LRRC4C: variants seen among roughly 807,000 people sequenced by gnomAD.
The protein encoded by LRRC4C is leucine rich repeat containing 4C.
In LRRC4C, 5 loss-of-function variants were observed where a neutral mutation model predicts 33.6. That is an observed-to-expected ratio of 0.15 (90% CI 0.08 to 0.31). The LOEUF is 0.31. Ranked by LOEUF, LRRC4C falls within the 10% of genes least tolerant of loss-of-function variation. The pLI is 1.00. For synonymous variants in LRRC4C, 329 were observed against 302.0 expected (o/e 1.09, Z -0.93); for missense variants, 560 against 796.7 (o/e 0.70, Z 3.58).
At chr11:41,455,981 G>A (rs2138686464) in intron 1 of LRRC4C, among the ~76,000 whole-genome samples, 1 of 152,256 alleles carries the variant, frequency 6.6e-6, no homozygotes, top group East Asian at 1.9e-4. Context: ...AGATAATTGA[G>A]TGAGTTGGCT....
At chr11:41,317,785 A>G (rs909683067) in intron 1 of LRRC4C, among the ~76,000 whole-genome samples, 1 of 152,148 alleles carries the variant, frequency 6.6e-6, no homozygotes, top group Non-Finnish European at 1.5e-5. Context: ...TAGTAAACAT[A>G]TACAATTTTG....
chr11:40,776,929 CT>C (rs1950023832), intron 2 of LRRC4C, among the ~76,000 whole-genome samples: 1 of 152,080 alleles, frequency 6.6e-6, no homozygotes, highest in Non-Finnish European at 1.5e-5. Context: ...GCTATGTCTC[CT>C]TTTTCACTTA....
intron 1 of LRRC4C, among the ~76,000 whole-genome samples, chr11:40,978,793 T>A (rs763145322): frequency 6.6e-6 from 1 of 151,942 alleles, no homozygotes; most frequent in African/African-American, 2.4e-5. Flanking sequence ...GGCTATTTTT[T>A]TTTTCTTTTT....
chr11:41,044,584 A>G (rs1417247722), intron 1 of LRRC4C, among the ~76,000 whole-genome samples: 1 of 152,164 alleles, frequency 6.6e-6, no homozygotes, highest in Non-Finnish European at 1.5e-5. Context: ...ATGGTGGTGA[A>G]AATACACACA....
At chr11:40,509,741 C>T (rs1321654868) in intron 3 of LRRC4C, among the ~76,000 whole-genome samples, 7 of 152,058 alleles carry the variant, frequency 4.6e-5, no homozygotes, top group African/African-American at 1.4e-4. Flanking sequence ...CAAATTATTA[C>T]ACAAAGCTGA....
intron 1 of LRRC4C, among the ~76,000 whole-genome samples, chr11:41,031,140 C>A (rs1255184417): frequency 6.6e-6 from 1 of 151,878 alleles, no homozygotes; most frequent in African/African-American, 2.4e-5. Context: ...GGCCTCTCCA[C>A]CTGAAGTTGA....
intron 3 of LRRC4C, among the ~76,000 whole-genome samples, chr11:40,462,530 G>T (rs932537016): frequency 6.6e-6 from 1 of 152,034 alleles, no homozygotes; most frequent in Non-Finnish European, 1.5e-5. Flanking sequence ...CAGGCATAAT[G>T]CTTTGTAAAC....
intron 6 of LRRC4C, among the ~76,000 whole-genome samples, chr11:40,121,148 C>T (rs1855796329): frequency 2.6e-5 from 4 of 152,196 alleles, no homozygotes; most frequent in South Asian, 2.1e-4. Context: ...TTGATATAAT[C>T]GGGAACATAC....
intron 3 of LRRC4C, among the ~76,000 whole-genome samples, chr11:40,531,200 T>C (rs11605185): frequency 0.084 from 12,721 of 152,130 alleles, 597 homozygotes; most frequent in South Asian, 0.14. Context: ...ATTTTCCATA[T>C]ATACCCTACC....
At chr11:41,004,316 T>C (rs1854584057) in intron 1 of LRRC4C, among the ~76,000 whole-genome samples, 1 of 152,186 alleles carries the variant, frequency 6.6e-6, no homozygotes, top group Non-Finnish European at 1.5e-5. Flanking sequence ...CTGCCTTCCA[T>C]CTTTCCTGAA....
chr11:41,411,144 T>TTTTTTTTTTTTTTTTTG, intron 1 of LRRC4C, among the ~76,000 whole-genome samples: 1 of 16,042 alleles, frequency 6.2e-5, no homozygotes, highest in Non-Finnish European at 1.7e-4. Context: ...GGTACCCTAT[T>TTTTTTTTTTTTTTTTTG]TTTTTTTTTT....
At chr11:40,269,437 A>T (rs1040052451) in intron 4 of LRRC4C, among the ~76,000 whole-genome samples, 9 of 152,126 alleles carry the variant, frequency 5.9e-5, no homozygotes, top group Non-Finnish European at 1.0e-4. Context: ...CTATTATCCC[A>T]TTTATGATGA....
At chr11:41,342,477 G>A (rs2137482101) in intron 1 of LRRC4C, among the ~76,000 whole-genome samples, 1 of 152,168 alleles carries the variant, frequency 6.6e-6, no homozygotes, top group East Asian at 1.9e-4. Flanking sequence ...CATTTTGGGA[G>A]GCTGAGGGGG....
At chr11:40,962,609 T>C (rs753752285) in intron 1 of LRRC4C, among the ~76,000 whole-genome samples, 82 of 151,848 alleles carry the variant, frequency 5.4e-4, no homozygotes, top group Non-Finnish European at 1.1e-3. Flanking sequence ...CGAATCTTTG[T>C]TAAAGCACTT....
At chr11:41,363,432 A>G (rs12806793) in intron 1 of LRRC4C, among the ~76,000 whole-genome samples, 2,375 of 152,332 alleles carry the variant, frequency 0.016, 25 homozygotes, top group Non-Finnish European at 0.025. Context: ...CTGTATCTGT[A>G]TATCGCTAAT....
At chr11:40,141,673 G>C (rs1413485058) in intron 5 of LRRC4C, among the ~76,000 whole-genome samples, 1 of 152,164 alleles carries the variant, frequency 6.6e-6, no homozygotes, top group Admixed American at 6.5e-5. Context: ...AGCCTATCAA[G>C]AGTAAGTATG....
intron 3 of LRRC4C, among the ~76,000 whole-genome samples, chr11:40,534,348 T>C (rs901880790): frequency 1.3e-5 from 2 of 152,176 alleles, no homozygotes; most frequent in South Asian, 2.1e-4. Context: ...TATATATACA[T>C]AGTACTTAAA....
Position 40,898,279 on chromosome 11 carries a change from G to A in LRRC4C, c.-407+35356C>T, listed in dbSNP as rs551215905. Among the ~76,000 whole-genome samples, 19 of 148,904 alleles carry A rather than the reference G, an allele frequency of 1.3e-4. 2 individuals carry two copies. The South Asian group carries it at 2.8e-3, about 22-fold the overall frequency. ...TGAGCCAGGAGAATTGCTTGAACCC[G>A]GGAGGCGGAGGTTGTGGTGGGCAGA... On this transcript the variant is annotated intron_variant, in intron 2 of 6. Coordinates refer to ENST00000528697, the MANE Select transcript of LRRC4C (RefSeq NM_001258419.2).
At chr11:40,294,811 G>A (rs767156136) in intron 4 of LRRC4C, among the ~76,000 whole-genome samples, 4 of 151,930 alleles carry the variant, frequency 2.6e-5, no homozygotes, top group African/African-American at 7.3e-5. Context: ...TGGGAGACAA[G>A]AGCAAGACTC....
Sources: allele counts gnomAD v4.1 joint callset (sites outside exome capture counted in the v4.1 genomes callset), GRCh38; gene constraint gnomAD v4.1.1; transcripts MANE v1.5; gene names NCBI Gene and HGNC (gene_info 2026-07-23, HGNC 2026-07-21).